Variants in TANK observed in about 807,000 individuals in gnomAD.
TANK encodes TRAF family member associated NFKB activator.
Under a neutral mutation model 43.6 loss-of-function variants are expected in TANK, and 15 were observed. The observed-to-expected ratio is 0.34, with a 90% CI of 0.23 to 0.53. The LOEUF (loss-of-function observed/expected upper bound fraction) is 0.53, where lower values mean the gene tolerates loss of function less well. Among genes scored for constraint, TANK ranks in the 20% least tolerant of loss-of-function variants. TANK has a pLI of 0.94. For synonymous variants in TANK, 162 were observed against 178.2 expected, an observed-to-expected ratio of 0.91 and a Z score of 0.73; for missense variants, 417 against 498.6, an observed-to-expected ratio of 0.84 and a Z score of 1.56.
At chr2:161,234,632 T>A (rs913294011) in intron 7 of TANK, among the ~76,000 whole-genome samples, 8 of 152,234 alleles carry the variant, frequency 5.3e-5, no homozygotes, top group Non-Finnish European at 8.8e-5. Context: ...CAGGCAACTA[T>A]TGACGAGTTT....
intron 7 of TANK, chr2:161,232,774 C>T: frequency 6.4e-7 from 1 of 1,550,460 alleles, no homozygotes; most frequent in African/African-American, 1.4e-5. Context: ...CTGCATTGTA[C>T]ATTTGCTTTC....
At chr2:161,166,255 G>A (rs532779510) in intron 1 of TANK, among the ~76,000 whole-genome samples, 1 of 152,236 alleles carries the variant, frequency 6.6e-6, no homozygotes, top group African/African-American at 2.4e-5. Context: ...TATATCAGCT[G>A]CCTGGATGGA....
chr2:161,234,494 GC>G (rs1322239140), intron 7 of TANK, among the ~76,000 whole-genome samples: 1 of 152,116 alleles, frequency 6.6e-6, no homozygotes, highest in Non-Finnish European at 1.5e-5. Flanking sequence ...CTATTATTAA[GC>G]TAAATGCTAT....
At chr2:161,147,293 C>A (rs978589241) in intron 1 of TANK, among the ~76,000 whole-genome samples, 4 of 152,240 alleles carry the variant, frequency 2.6e-5, no homozygotes, top group Non-Finnish European at 5.9e-5. Context: ...CCATCTCTCC[C>A]CCCAAGGAGC....
intron 6 of TANK, among the ~76,000 whole-genome samples, chr2:161,227,373 CTA>C (rs1687685466): frequency 6.6e-6 from 1 of 152,144 alleles, no homozygotes; most frequent in Non-Finnish European, 1.5e-5. Context: ...GGACTTCTCT[CTA>C]TATATAGAAA....
chr2:161,151,547 T>G (rs1316702856), intron 1 of TANK, among the ~76,000 whole-genome samples: 1 of 152,216 alleles, frequency 6.6e-6, no homozygotes, highest in Non-Finnish European at 1.5e-5. Context: ...TAACAGTTTT[T>G]TACTAAAAGT....
intron 4 of TANK, among the ~76,000 whole-genome samples, chr2:161,217,884 A>G (rs926552116): frequency 5.9e-5 from 9 of 152,132 alleles, no homozygotes; most frequent in African/African-American, 1.9e-4. Flanking sequence ...TGCTATAACT[A>G]TACCCAGTCT....
chr2:161,171,211 C>G (rs1484156945), intron 1 of TANK, among the ~76,000 whole-genome samples: 1 of 152,044 alleles, frequency 6.6e-6, no homozygotes, highest in Non-Finnish European at 1.5e-5. Context: ...TGTTGGGCTG[C>G]CCAGGGATTT....
chr2:161,174,247 T>C (rs1685081381), intron 1 of TANK, among the ~76,000 whole-genome samples: 1 of 152,176 alleles, frequency 6.6e-6, no homozygotes, highest in Non-Finnish European at 1.5e-5. Flanking sequence ...GGCTGTATTT[T>C]TTTTCAGTCT....
At chr2:161,147,904 T>A (rs1558958768) in intron 1 of TANK, among the ~76,000 whole-genome samples, 1 of 152,216 alleles carries the variant, frequency 6.6e-6, no homozygotes. Flanking sequence ...CACTAATTAT[T>A]TATCCATTCG....
intron 2 of TANK, among the ~76,000 whole-genome samples, chr2:161,185,724 AG>A: frequency 1.8e-5 from 1 of 57,024 alleles, no homozygotes; most frequent in Non-Finnish European, 3.1e-5. Flanking sequence ...GGGTGGGGGG[AG>A]GGGGGAGGGA....
chr2:161,194,543 A>G (rs1679887474), intron 2 of TANK, among the ~76,000 whole-genome samples: 1 of 152,160 alleles, frequency 6.6e-6, no homozygotes, highest in African/African-American at 2.4e-5. Flanking sequence ...AAATAAGAGT[A>G]AATTTGACTG....
intron 1 of TANK, among the ~76,000 whole-genome samples, chr2:161,148,005 C>A (rs953881850): frequency 6.6e-6 from 1 of 152,112 alleles, no homozygotes; most frequent in African/African-American, 2.4e-5. Context: ...GTATTTGTTT[C>A]AGTACCTGTT....
intron 4 of TANK, chr2:161,211,688 G>GC: frequency 1.2e-6 from 1 of 869,114 alleles, no homozygotes; most frequent in Non-Finnish European, 1.4e-6. Context: ...TTAAAAATTT[G>GC]CCCCTGAATT....
rs1687882803 is a variant in TANK, at chr2:161,230,959, T to C, written c.521-12T>C. 28 of 1,604,620 alleles carry C rather than the reference T, an allele frequency of 1.7e-5. No individual in the cohort carries two copies. The highest frequency in any genetic ancestry group is 2.2e-5 in the Non-Finnish European group (26 of 1,171,684). ...ATGCGGCTGTTTCTCTTTTGTGTTC[T>C]TCTCCCTCCAGAAACACAGTGCTCT... On this transcript the variant is annotated splice_polypyrimidine_tract_variant and intron_variant, in intron 6 of 7. Coordinates refer to ENST00000392749, the MANE Select transcript of TANK (RefSeq NM_001199135.3).
chr2:161,189,305 C>G (rs1219564776), intron 2 of TANK, among the ~76,000 whole-genome samples: 1 of 152,174 alleles, frequency 6.6e-6, no homozygotes. Context: ...ATGATCCTCT[C>G]AACTGATTCA....
At chr2:161,194,445 A>G (rs1279550325) in intron 2 of TANK, among the ~76,000 whole-genome samples, 1 of 152,126 alleles carries the variant, frequency 6.6e-6, no homozygotes, top group Non-Finnish European at 1.5e-5. Flanking sequence ...CCGAGAAGAA[A>G]AGTGAAGGAT....
intron 2 of TANK, among the ~76,000 whole-genome samples, chr2:161,190,826 T>C (rs1342307132): frequency 6.6e-6 from 1 of 152,156 alleles, no homozygotes; most frequent in Non-Finnish European, 1.5e-5. Context: ...TACTGCGTAA[T>C]GGATACAGAG....
intron 1 of TANK, chr2:161,139,980 T>C: frequency 2.2e-6 from 2 of 927,050 alleles, no homozygotes; most frequent in Non-Finnish European, 2.6e-6. Flanking sequence ...GTTTGAAATT[T>C]GCTAAGAATT....
Sources: gnomAD v4.1 joint callset for allele counts (sites outside exome capture counted in the v4.1 genomes callset) on GRCh38, gnomAD v4.1.1 for gene constraint, MANE v1.5 for transcripts, NCBI Gene and HGNC (gene_info 2026-07-23, HGNC 2026-07-21) for gene names.